The following ADAM12 variants were observed in gnomAD, a reference collection of about 807,000 sequenced individuals.
ADAM12 encodes the protein disintegrin and metalloproteinase domain-containing protein 12.
Under a neutral mutation model 106.4 loss-of-function variants are expected in ADAM12, and 70 were observed. The observed-to-expected ratio is 0.66, with a 90% CI of 0.54 to 0.80. ADAM12 has a LOEUF of 0.80. ADAM12 is among the 30% of genes least tolerant of loss of function. The pLI is 0.00. For synonymous variants in ADAM12, 420 were observed against 433.5 expected (o/e 0.97, Z 0.39); for missense variants, 1,010 against 1,171.9 (o/e 0.86, Z 2.02).
At chr10:126,292,326 G>A (rs1479622778) in intron 2 of ADAM12, among the ~76,000 whole-genome samples, 3 of 151,856 alleles carry the variant, frequency 2.0e-5, no homozygotes, top group South Asian at 2.1e-4. Context: ...TTTTCCTCTC[G>A]GTTCCAATGT....
chr10:126,124,316 C>A (rs1278307), intron 5 of ADAM12, among the ~76,000 whole-genome samples: 9 of 151,302 alleles, frequency 5.9e-5, no homozygotes, highest in African/African-American at 1.2e-4. Context: ...GGAGCAACTC[C>A]TGGGTAAAAG....
chr10:126,020,462 G>T (rs962756970), intron 21 of ADAM12, among the ~76,000 whole-genome samples: 18 of 152,138 alleles, frequency 1.2e-4, no homozygotes, highest in African/African-American at 4.3e-4. Context: ...GCCAGTGTGA[G>T]GGAGCTGGCC....
intron 1 of ADAM12, among the ~76,000 whole-genome samples, chr10:126,349,774 C>T (rs565635599): frequency 9.2e-5 from 14 of 152,276 alleles, no homozygotes; most frequent in African/African-American, 3.1e-4. Flanking sequence ...CAAACTGTTT[C>T]GACACCAGAT....
chr10:126,349,759 C>T (rs1590812622), intron 1 of ADAM12, among the ~76,000 whole-genome samples: 2 of 152,202 alleles, frequency 1.3e-5, no homozygotes, highest in South Asian at 2.1e-4. Context: ...TCTCTTCCAT[C>T]TAGGCAAACT....
intron 3 of ADAM12, among the ~76,000 whole-genome samples, chr10:126,213,184 C>G (rs1291109232): frequency 6.6e-6 from 1 of 152,154 alleles, no homozygotes; most frequent in South Asian, 2.1e-4. Flanking sequence ...GCTCCAAGAT[C>G]TACTAAATAT....
intron 11 of ADAM12, among the ~76,000 whole-genome samples, chr10:126,075,777 C>A (rs1173368497): frequency 6.6e-6 from 1 of 152,120 alleles, no homozygotes; most frequent in African/African-American, 2.4e-5. Context: ...GACACACACC[C>A]AGAGAGGCAA....
chr10:126,170,489 A>G (rs1315564711), intron 3 of ADAM12, among the ~76,000 whole-genome samples: 1 of 151,520 alleles, frequency 6.6e-6, no homozygotes, highest in Non-Finnish European at 1.5e-5. Context: ...CAGAGGCATA[A>G]TCAGTTAAAG....
intron 1 of ADAM12, among the ~76,000 whole-genome samples, chr10:126,344,323 G>A (rs192729230): frequency 4.0e-5 from 6 of 151,812 alleles, no homozygotes; most frequent in Non-Finnish European, 5.9e-5. Context: ...GTCAAAGATC[G>A]GATGGTTGTA....
chr10:126,169,604 A>G (rs1182377420), intron 3 of ADAM12, among the ~76,000 whole-genome samples: 3 of 152,212 alleles, frequency 2.0e-5, no homozygotes, highest in African/African-American at 4.8e-5. Context: ...ATAAAATAAA[A>G]TAAAACCACC....
intron 10 of ADAM12, among the ~76,000 whole-genome samples, chr10:126,095,979 T>G (rs187021363): frequency 6.6e-6 from 1 of 152,330 alleles, no homozygotes; most frequent in East Asian, 1.9e-4. Flanking sequence ...TCTTACAGGT[T>G]TGTTGACAGT....
At chr10:126,037,285 C>CTTTTTTT (rs34515487) in intron 20 of ADAM12, among the ~76,000 whole-genome samples, 3 of 136,298 alleles carry the variant, frequency 2.2e-5, no homozygotes, top group African/African-American at 8.3e-5. Flanking sequence ...TAAGGCTGTG[C>CTTTTTTT]TTTTTTTTTT....
At chr10:126,304,943 T>A (rs559251906) in intron 2 of ADAM12, among the ~76,000 whole-genome samples, 1 of 151,938 alleles carries the variant, frequency 6.6e-6, no homozygotes, top group African/African-American at 2.4e-5. Flanking sequence ...ATATACCAAG[T>A]GTAAATTATA....
chr10:126,314,982 C>T (rs1403292634), intron 2 of ADAM12, among the ~76,000 whole-genome samples: 3 of 152,278 alleles, frequency 2.0e-5, no homozygotes, highest in East Asian at 3.9e-4. Flanking sequence ...AATTAACGTT[C>T]CTTCTCATTT....
intron 5 of ADAM12, among the ~76,000 whole-genome samples, chr10:126,124,405 G>A (rs961766775): frequency 2.0e-5 from 3 of 151,960 alleles, no homozygotes; most frequent in Non-Finnish European, 4.4e-5. Context: ...CAGGGCTTCA[G>A]TAATTTCCAT....
intron 4 of ADAM12, among the ~76,000 whole-genome samples, chr10:126,151,292 A>G (rs1291456622): frequency 6.6e-6 from 1 of 152,230 alleles, no homozygotes. Flanking sequence ...AGGGATAGAT[A>G]GCATTCTCCA....
chr10:126,188,697 T>A (rs1957443394), intron 3 of ADAM12, among the ~76,000 whole-genome samples: 1 of 152,234 alleles, frequency 6.6e-6, no homozygotes, highest in African/African-American at 2.4e-5. Context: ...AATCCCCTCA[T>A]CTTACCTTTG....
intron 3 of ADAM12, among the ~76,000 whole-genome samples, chr10:126,236,538 G>A (rs1192813992): frequency 6.6e-6 from 1 of 152,180 alleles, no homozygotes; most frequent in Non-Finnish European, 1.5e-5. Context: ...ATGGGAGAGT[G>A]TGGAAAGGAA....
At chr10:126,136,923 G>T (rs529139974) in intron 4 of ADAM12, among the ~76,000 whole-genome samples, 6 of 152,186 alleles carry the variant, frequency 3.9e-5, no homozygotes, top group African/African-American at 1.4e-4. Flanking sequence ...TTTTAACTTT[G>T]CTTATGGTAT....
At chr10:126,065,050 G>T in intron 13 of ADAM12, 49 bp from the exon 14 acceptor site, 1 of 1,546,820 alleles carries the variant, frequency 6.5e-7, no homozygotes, top group Non-Finnish European at 8.7e-7. Context: ...GAAAGGGAGA[G>T]GCAGCTCTCA....
Sources: allele counts gnomAD v4.1 joint callset (sites outside exome capture counted in the v4.1 genomes callset), GRCh38; gene constraint gnomAD v4.1.1; transcripts MANE v1.5; gene names NCBI Gene and HGNC (gene_info 2026-07-23, HGNC 2026-07-21).